The following WDR41 variants were observed in gnomAD, a reference collection of about 807,000 sequenced individuals.
WDR41 encodes the protein WD repeat-containing protein 41.
WDR41 carries 63 observed loss-of-function variants against 69.3 expected under a neutral mutation model. That is an observed-to-expected ratio of 0.91 (90% CI 0.74 to 1.12). The LOEUF is 1.12. Ranked by LOEUF, WDR41 falls within the 50% of genes most tolerant of loss-of-function variation. The probability of loss-of-function intolerance (pLI) is 0.00; values close to 1 mark genes in which losing one functional copy is unlikely to be tolerated. For missense variants in WDR41, 543 were observed against 534.5 expected, an observed-to-expected ratio of 1.02 and a Z score of -0.16; for synonymous variants, 185 against 192.1, an observed-to-expected ratio of 0.96 and a Z score of 0.31.
intron 1 of WDR41, among the ~76,000 whole-genome samples, chr5:77,619,493 C>T (rs1160760745): frequency 6.6e-6 from 1 of 152,058 alleles, no homozygotes; most frequent in Non-Finnish European, 1.5e-5. Flanking sequence ...TTACCCTCAC[C>T]CCCATTATCT....
intron 1 of WDR41, among the ~76,000 whole-genome samples, chr5:77,549,976 C>T (rs965320913): frequency 6.6e-6 from 1 of 151,534 alleles, no homozygotes; most frequent in African/African-American, 2.4e-5. Flanking sequence ...AAAAAGTTGA[C>T]AAAAATAAAC....
chr5:77,580,932 G>A (rs1392200148), intron 1 of WDR41, among the ~76,000 whole-genome samples: 1 of 151,280 alleles, frequency 6.6e-6, no homozygotes, highest in African/African-American at 2.4e-5. Context: ...CTCCAGCCTG[G>A]GTGACAGAGC....
In WDR41 at chr5:77,471,135, T is replaced by C. The variant is rs570674815; in HGVS notation, c.168-6326A>G. On this transcript the variant is annotated intron_variant, in intron 2 of 12. Transcript: ENST00000296679. ...GGATTAAGAAACTCACTCAAAACCG[T>C]TCAACTACATGGAAACTGAACAACC... Among the ~76,000 whole-genome samples, 273 of 152,062 alleles carry C rather than the reference T, an allele frequency of 1.8e-3. 3 individuals are homozygous for C. Among genetic ancestry groups the C allele is most frequent in the African/African-American group, 5.8e-3 (239 of 41,488 alleles).
At chr5:77,481,603 G>A (rs1158517192) in intron 2 of WDR41, among the ~76,000 whole-genome samples, 2 of 151,896 alleles carry the variant, frequency 1.3e-5, no homozygotes, top group Non-Finnish European at 2.9e-5. Context: ...TGGCCAATAT[G>A]GTGAAACCCT....
intron 1 of WDR41, among the ~76,000 whole-genome samples, chr5:77,542,750 G>A (rs920726669): frequency 9.2e-5 from 14 of 152,220 alleles, no homozygotes; most frequent in African/African-American, 2.9e-4. Flanking sequence ...GTCATTGGCA[G>A]ATAGGAGGCA....
chr5:77,517,411 G>C (rs2112184230), intron 1 of WDR41, among the ~76,000 whole-genome samples: 1 of 152,096 alleles, frequency 6.6e-6, no homozygotes, highest in South Asian at 2.1e-4. Context: ...AAAAAAAACA[G>C]ATCAGACTCA....
chr5:77,455,595 G>C (rs1335296281), intron 5 of WDR41, among the ~76,000 whole-genome samples: 1 of 152,114 alleles, frequency 6.6e-6, no homozygotes, highest in Admixed American at 6.5e-5. Context: ...TTACATTTGG[G>C]TCTTTGACCC....
chr5:77,437,400 A>G lies in WDR41; in HGVS notation c.1029T>C (p.Asp343=). The G allele has an allele frequency of 1.9e-6, 3 of 1,613,992 alleles. No individual in the cohort carries two copies. The highest frequency in any genetic ancestry group is 2.5e-6 in the Non-Finnish European group (3 of 1,179,918). ...TTAACTCCCAAATGCGTACACTGCC[A>G]TCTTCTGAGCATGAGATTAACTGCC... is the stretch of plus-strand genomic sequence containing the variant. The part of the protein sequence containing the change: ...PNRQLISCSE[D]GSVRIWELRE... The change falls in exon 11 of 13, where the codon GAT becomes GAC. Residue 343 remains aspartate, a synonymous_variant. Transcript: ENST00000296679.
In WDR41 at chr5:77,436,365, C is replaced by T. The variant is rs761420582; in HGVS notation, c.1123G>A (p.Val375Ile). Residue 375 changes from valine to isoleucine, a missense_variant, in exon 12 of 13, where the codon GTC (valine) becomes ATC (isoleucine). By Grantham distance (29) the Val-to-Ile change is conservative. Transcript: ENST00000296679. ...ACAGGTTGGCTGGCTTGTTTGCTGACTCTTCCAAATCCCCACATGTTAAAA... is the reference window on the plus strand; with the variant it reads ...ACAGGTTGGCTGGCTTGTTTGCTGATTCTTCCAAATCCCCACATGTTAAAA... ...GFFNMWGFGR[V>I]SKQASQPVKK... 2 of 1,614,026 alleles carry T rather than the reference C, an allele frequency of 1.2e-6. No individual in the cohort carries two copies. Among genetic ancestry groups the T allele is most frequent in the Non-Finnish European group, 1.7e-6 (2 of 1,179,942 alleles).
intron 6 of WDR41, 54 bp downstream of exon 6, chr5:77,453,763 G>T (rs2151308486): frequency 1.4e-6 from 2 of 1,398,554 alleles, no homozygotes; most frequent in Non-Finnish European, 2.0e-6. Flanking sequence ...CTGAAGATCT[G>T]CTGTGTCTTC....
chr5:77,466,273 T>C (rs1267626653), intron 2 of WDR41, among the ~76,000 whole-genome samples: 1 of 151,970 alleles, frequency 6.6e-6, no homozygotes, highest in Non-Finnish European at 1.5e-5. Context: ...AAAATAGATT[T>C]CCTATGCTTA....
chr5:77,518,235 T>G (rs145073493), intron 1 of WDR41, among the ~76,000 whole-genome samples: 1 of 152,282 alleles, frequency 6.6e-6, no homozygotes, highest in East Asian at 1.9e-4. Flanking sequence ...TGTAACCCTA[T>G]TGCATCTCAT....
intron 4 of WDR41, among the ~76,000 whole-genome samples, chr5:77,459,982 A>C (rs1799981284): frequency 1.3e-5 from 2 of 152,182 alleles, no homozygotes; most frequent in Non-Finnish European, 2.9e-5. Context: ...ATATGTGCTC[A>C]GAACACTTAC....
chr5:77,534,254 C>G lies in WDR41; in HGVS notation c.43-44682G>C, dbSNP rs1019107914. On this transcript the variant is annotated intron_variant, in intron 1 of 5. Transcript: ENST00000509971. ...TCAGAATCTTTAAATTTACATAGGT[C>G]CTATGTAAAAATTATATTCAAACCA... Among the ~76,000 whole-genome samples, 7 of 151,950 alleles carry G rather than the reference C, an allele frequency of 4.6e-5. No individual in the cohort carries two copies. In the East Asian group the frequency reaches 1.2e-3, roughly 25 times the overall value.
At chr5:77,569,030 C>T (rs1420549103) in intron 1 of WDR41, among the ~76,000 whole-genome samples, 2 of 152,124 alleles carry the variant, frequency 1.3e-5, no homozygotes, top group Admixed American at 1.3e-4. Flanking sequence ...TTCTCTGGTT[C>T]TTTCCCACTG....
chr5:77,582,357 T>A, intron 1 of WDR41: 1 of 1,603,394 alleles, frequency 6.2e-7, no homozygotes, highest in Non-Finnish European at 8.5e-7. Flanking sequence ...GCCAACTTCC[T>A]CTTTTTCCGG....
At chr5:77,464,679 C>T in intron 3 of WDR41, 82 bp downstream of exon 3, 2 of 1,373,500 alleles carry the variant, frequency 1.5e-6, no homozygotes, top group Non-Finnish European at 2.1e-6. Flanking sequence ...GTAAATGTAT[C>T]CCCAGATAGT....
chr5:77,553,765 C>G lies in WDR41; in HGVS notation c.43-64193G>C, dbSNP rs540682749. On this transcript the variant is annotated intron_variant, in intron 1 of 5. Transcript: ENST00000509971. ...TACCACTACACACATATCAACATGA[C>G]TAAGATTTTAAAAAATAACACCACC... Among the ~76,000 whole-genome samples the G allele has an allele frequency of 2.6e-5, 4 of 152,214 alleles. No individual in the cohort carries two copies. The South Asian group carries it at 8.3e-4, about 32-fold the overall frequency.
chr5:77,462,030 C>A (rs2151321889), intron 4 of WDR41, among the ~76,000 whole-genome samples: 1 of 152,208 alleles, frequency 6.6e-6, no homozygotes, highest in South Asian at 2.1e-4. Flanking sequence ...GTCAGACTTG[C>A]CAGTTCTGCC....
Sources: allele counts gnomAD v4.1 joint callset (sites outside exome capture counted in the v4.1 genomes callset), GRCh38; gene constraint gnomAD v4.1.1; transcripts MANE v1.5; gene names NCBI Gene and HGNC (gene_info 2026-07-23, HGNC 2026-07-21).